The following KCNQ3 variants were observed in gnomAD, a reference collection of about 807,000 sequenced individuals.
KCNQ3 encodes potassium voltage-gated channel subfamily Q member 3.
Under a neutral mutation model 92.5 loss-of-function variants are expected in KCNQ3, and 30 were observed. The observed-to-expected ratio is 0.32, with a 90% CI of 0.24 to 0.44. KCNQ3 has a LOEUF of 0.44. KCNQ3 is among the 20% of genes least tolerant of loss of function. KCNQ3 has a pLI of 1.00. For missense variants in KCNQ3, 913 were observed against 1,140.3 expected (o/e 0.80, Z 2.87); for synonymous variants, 450 against 468.8 (o/e 0.96, Z 0.52).
chr8:132,449,942 T>A (rs1253092657), intron 1 of KCNQ3, among the ~76,000 whole-genome samples: 2 of 152,192 alleles, frequency 1.3e-5, no homozygotes, highest in East Asian at 3.9e-4. Flanking sequence ...ACTCTAGCCC[T>A]CTTCCCACTG....
At chr8:132,479,539 A>C (rs1242821512) in intron 1 of KCNQ3, among the ~76,000 whole-genome samples, 1 of 151,904 alleles carries the variant, frequency 6.6e-6, no homozygotes, top group African/African-American at 2.4e-5. Flanking sequence ...TAGAACATGC[A>C]TTTTGGCCAG....
intron 1 of KCNQ3, among the ~76,000 whole-genome samples, chr8:132,409,353 C>A (rs189538269): frequency 6.6e-6 from 1 of 152,130 alleles, no homozygotes; most frequent in African/African-American, 2.4e-5. Context: ...AGTTCCTGAT[C>A]CCCTGACCTT....
At chr8:132,247,672 C>A (rs1204014791) in intron 1 of KCNQ3, among the ~76,000 whole-genome samples, 1 of 151,822 alleles carries the variant, frequency 6.6e-6, no homozygotes, top group Non-Finnish European at 1.5e-5. Flanking sequence ...GCGGTGGGAG[C>A]CTGTAATCCC....
intron 1 of KCNQ3, among the ~76,000 whole-genome samples, chr8:132,285,478 G>A (rs1037213101): frequency 9.9e-5 from 15 of 152,214 alleles, no homozygotes; most frequent in Non-Finnish European, 7.3e-5. Flanking sequence ...TAGGAGCAAT[G>A]GAATAGCATA....
chr8:132,161,779 C>T (rs1429961365), intron 9 of KCNQ3, among the ~76,000 whole-genome samples: 1 of 152,196 alleles, frequency 6.6e-6, no homozygotes, highest in African/African-American at 2.4e-5. Flanking sequence ...CCCTAATGCA[C>T]ACATACATTC....
intron 13 of KCNQ3, among the ~76,000 whole-genome samples, chr8:132,133,808 T>C (rs1443776223): frequency 6.6e-6 from 1 of 152,198 alleles, no homozygotes; most frequent in Non-Finnish European, 1.5e-5. Context: ...TTTTGAAGCT[T>C]TGGAAGGAGA....
At chr8:132,417,910 CCCA>C (rs1220248523) in intron 1 of KCNQ3, among the ~76,000 whole-genome samples, 11 of 152,130 alleles carry the variant, frequency 7.2e-5, no homozygotes, top group Admixed American at 5.9e-4. Flanking sequence ...GGTCTGGAGA[CCCA>C]TGAGCCAGCC....
intron 9 of KCNQ3, among the ~76,000 whole-genome samples, chr8:132,159,454 T>C (rs2130057855): frequency 6.6e-6 from 1 of 152,234 alleles, no homozygotes; most frequent in Non-Finnish European, 1.5e-5. Context: ...CAGTAGCGGC[T>C]TTTACTCTTC....
chr8:132,366,962 T>TA (rs1007265417), intron 1 of KCNQ3, among the ~76,000 whole-genome samples: 1 of 152,068 alleles, frequency 6.6e-6, no homozygotes, highest in Non-Finnish European at 1.5e-5. Flanking sequence ...AATTGCTTCA[T>TA]AAAAAAAACT....
chr8:132,156,744 A>T (rs1188960580), intron 9 of KCNQ3, among the ~76,000 whole-genome samples: 6 of 152,198 alleles, frequency 3.9e-5, no homozygotes, highest in Non-Finnish European at 8.8e-5. Context: ...AGTATCGCTA[A>T]CCCAATACTT....
At chr8:132,250,626 C>A (rs894575307) in intron 1 of KCNQ3, among the ~76,000 whole-genome samples, 3 of 152,106 alleles carry the variant, frequency 2.0e-5, no homozygotes, top group African/African-American at 7.2e-5. Flanking sequence ...ATTATAAAAA[C>A]AATCTCTCAG....
chr8:132,423,830 G>T (rs1438823125), intron 1 of KCNQ3, among the ~76,000 whole-genome samples: 1 of 152,160 alleles, frequency 6.6e-6, no homozygotes, highest in East Asian at 1.9e-4. Context: ...CCACCATACA[G>T]TATGGAGACC....
intron 1 of KCNQ3, among the ~76,000 whole-genome samples, chr8:132,396,245 G>C (rs1391816805): frequency 6.6e-6 from 1 of 151,932 alleles, no homozygotes; most frequent in East Asian, 1.9e-4. Flanking sequence ...CAAACACTTG[G>C]GTCTCCCATC....
At chr8:132,470,105 A>AC (rs1563922605) in intron 1 of KCNQ3, among the ~76,000 whole-genome samples, 5 of 24,682 alleles carry the variant, frequency 2.0e-4, no homozygotes, top group Non-Finnish European at 3.7e-4. Flanking sequence ...AGAAAGAACT[A>AC]TGCTCATCTC....
chr8:132,134,208 G>A, intron 13 of KCNQ3, 82 bp downstream of exon 13: 2 of 991,890 alleles, frequency 2.0e-6, no homozygotes, highest in Non-Finnish European at 3.3e-6. Flanking sequence ...CCCACATAAA[G>A]GACCCCAGCA....
chr8:132,352,228 T>A lies in KCNQ3; in HGVS notation c.386+127919A>T, dbSNP rs554191822. Among the ~76,000 whole-genome samples, 3 of 152,224 alleles carry A rather than the reference T, an allele frequency of 2.0e-5. No individual in the cohort carries two copies. In the East Asian group the frequency reaches 5.8e-4, roughly 30 times the overall value. ...CCAAGCAGTGCTGTAAGACAGTGGT[T>A]CTCACCAGGGGCGGGGTGTTAGGAG... On this transcript the variant is annotated intron_variant, in intron 1 of 14. Transcript: ENST00000388996.
intron 1 of KCNQ3, among the ~76,000 whole-genome samples, chr8:132,213,142 G>A (rs1176774890): frequency 6.6e-6 from 1 of 152,116 alleles, no homozygotes; most frequent in Non-Finnish European, 1.5e-5. Flanking sequence ...CCTAAGCACA[G>A]GCCTTCACAT....
chr8:132,140,038 GA>G, intron 11 of KCNQ3, 37 bp downstream of exon 11: 2 of 1,370,932 alleles, frequency 1.5e-6, no homozygotes, highest in Non-Finnish European at 2.0e-6. Flanking sequence ...TGGAGCGGGG[GA>G]GGCACACAGG....
chr8:132,174,209 T>C, intron 6 of KCNQ3, 30 bp downstream of exon 6: 4 of 1,466,706 alleles, frequency 2.7e-6, no homozygotes, highest in Non-Finnish European at 3.7e-6. Context: ...GCACGTCACA[T>C]TGGGGATGTC....
Sources: allele counts gnomAD v4.1 joint callset (sites outside exome capture counted in the v4.1 genomes callset), GRCh38; gene constraint gnomAD v4.1.1; transcripts MANE v1.5; gene names NCBI Gene and HGNC (gene_info 2026-07-23, HGNC 2026-07-21).